The following CCDC18 variants were observed in gnomAD, a reference collection of about 807,000 sequenced individuals.
The protein encoded by CCDC18 is coiled-coil domain-containing protein 18.
Under a neutral mutation model 196.0 loss-of-function variants are expected in CCDC18, and 157 were observed. The observed-to-expected ratio is 0.80, with a 90% CI of 0.70 to 0.91. CCDC18 has a LOEUF of 0.91. Ranked by LOEUF, CCDC18 falls within the 40% of genes least tolerant of loss-of-function variation. The pLI is 0.00. For missense variants in CCDC18, 1,465 were observed against 1,611.6 expected, an observed-to-expected ratio of 0.91 and a Z score of 1.56; for synonymous variants, 482 against 529.2, an observed-to-expected ratio of 0.91 and a Z score of 1.22.
Position 93,251,873 on chromosome 1 carries a change from G to A in CCDC18, c.3199-2598G>A, listed in dbSNP as rs1019200808. ...CTTTAAAAAAGCTTTCTACCCCTTT[G>A]TCTTTCTCAGTTCCCTTTTTAACTC... On this transcript the variant is annotated intron_variant, in intron 23 of 28. Transcript: ENST00000690025. Among the ~76,000 whole-genome samples, 9 of 151,612 alleles carry A rather than the reference G, an allele frequency of 5.9e-5. 1 individual carries two copies. Among genetic ancestry groups the A allele is most frequent in the African/African-American group, 2.2e-4 (9 of 41,294 alleles).
At chr1:93,251,050 C>G (rs1662172329) in intron 23 of CCDC18, among the ~76,000 whole-genome samples, 1 of 152,060 alleles carries the variant, frequency 6.6e-6, no homozygotes, top group Non-Finnish European at 1.5e-5. Flanking sequence ...TACTGTCTTT[C>G]ATTGTGGTTA....
chr1:93,209,589 C>T (rs1412762928), intron 9 of CCDC18, among the ~76,000 whole-genome samples: 10 of 152,052 alleles, frequency 6.6e-5, no homozygotes, highest in Non-Finnish European at 1.5e-4. Flanking sequence ...AATAACTTGC[C>T]CAACTGGTAA....
At chr1:93,252,480 A>G (rs565600924) in intron 23 of CCDC18, among the ~76,000 whole-genome samples, 1 of 152,070 alleles carries the variant, frequency 6.6e-6, no homozygotes, top group East Asian at 1.9e-4. Context: ...TTTAAAAATT[A>G]TTTTATTCTC....
intron 4 of CCDC18, chr1:93,190,678 T>C: frequency 4.3e-6 from 1 of 231,674 alleles, no homozygotes; most frequent in Non-Finnish European, 8.3e-6. Context: ...TTCTTTCCCT[T>C]TTTTTTTTTT....
At chr1:93,234,660 T>C (rs1313345998) in intron 18 of CCDC18, among the ~76,000 whole-genome samples, 1 of 132,352 alleles carries the variant, frequency 7.6e-6, no homozygotes, top group East Asian at 1.9e-4. Context: ...ATCTTCAGAT[T>C]TCTCTATTTA....
At chr1:93,191,172 T>C (rs1456034935) in intron 4 of CCDC18, 3 of 450,098 alleles carry the variant, frequency 6.7e-6, no homozygotes, top group African/African-American at 2.0e-5. Context: ...CAAAATGAAA[T>C]TGAGTAGTAA....
chr1:93,189,952 C>A (rs539152797), intron 4 of CCDC18, among the ~76,000 whole-genome samples: 1 of 152,292 alleles, frequency 6.6e-6, no homozygotes, highest in East Asian at 1.9e-4. Context: ...TGAGCTACCG[C>A]GCCTGGCCCT....
chr1:93,258,862 C>G lies in CCDC18; in HGVS notation c.3661C>G (p.Leu1221Val). 2 of 1,596,996 alleles carry G rather than the reference C, an allele frequency of 1.3e-6. No homozygotes were observed. Among genetic ancestry groups the G allele is most frequent in the East Asian group, 4.6e-5 (2 of 43,904 alleles). ...GAAATTGTCAGCAGAAGTAGAATCT[C>G]TCAAAGAAGCTTATCATATGGAGGT... ...IKKLSAEVESLKEAYHMEMIS... is the reference protein window; with the variant it reads ...IKKLSAEVESVKEAYHMEMIS... The change falls in exon 26 of 29, where the codon CTC becomes GTC. Residue 1221 changes from leucine (L) to valine (V), a missense_variant. Transcript: ENST00000690025.
chr1:93,233,263 AC>A (rs952722066), intron 18 of CCDC18, among the ~76,000 whole-genome samples: 2 of 152,172 alleles, frequency 1.3e-5, no homozygotes, highest in Non-Finnish European at 2.9e-5. Context: ...AAGGGAAAAT[AC>A]CCCTGAAAGT....
intron 6 of CCDC18, among the ~76,000 whole-genome samples, chr1:93,194,949 C>T (rs990097998): frequency 6.6e-6 from 1 of 152,174 alleles, no homozygotes; most frequent in African/African-American, 2.4e-5. Context: ...TGGCTCACTG[C>T]ATCCTCCGCC....
At chr1:93,180,693 C>T (rs1030376801), upstream of CCDC18, 2 of 1,344,534 alleles carry the variant, frequency 1.5e-6, no homozygotes, top group East Asian at 4.9e-5. Flanking sequence ...GGGCAGTGAC[C>T]GGGTAGGCGC....
intron 9 of CCDC18, 80 bp downstream of exon 9, chr1:93,207,478 T>TA: frequency 9.9e-7 from 1 of 1,010,566 alleles, no homozygotes. Context: ...TGTGGTTGCT[T>TA]TATTAGCTTC....
At chr1:93,186,047 T>G (rs1390445150) in intron 3 of CCDC18, among the ~76,000 whole-genome samples, 1 of 151,888 alleles carries the variant, frequency 6.6e-6, no homozygotes, top group East Asian at 1.9e-4. Context: ...TTTTATCAGG[T>G]TTATGTCTAG....
chr1:93,179,991 G>T, upstream of CCDC18: 5 of 1,517,212 alleles, frequency 3.3e-6, no homozygotes, highest in South Asian at 3.6e-5. Flanking sequence ...CTAAACGGGT[G>T]AGAGGCGACA....
chr1:93,276,738 A>C (rs1276055534), intron 28 of CCDC18, among the ~76,000 whole-genome samples: 1 of 151,980 alleles, frequency 6.6e-6, no homozygotes, highest in Non-Finnish European at 1.5e-5. Flanking sequence ...TTTTTCCTCT[A>C]TTTTTCTACT....
Position 93,205,545 on chromosome 1 carries a change from A to T in CCDC18, c.831A>T (p.Leu277=), listed in dbSNP as rs1654579368. 4 of 1,590,176 alleles carry T rather than the reference A, an allele frequency of 2.5e-6. No individual in the cohort carries two copies. In the South Asian group the frequency reaches 3.3e-5, roughly 13 times the overall value. ...QAEEEILERN[L]TNCEKENKRL... The stretch of plus-strand genomic sequence containing the variant: ...AAGAAGAAATATTAGAGAGAAATCT[A>T]ACTAACTGTGAAAAAGAAAATAAAA... The change falls in exon 8 of 29, where the codon CTA becomes CTT. Residue 277 remains leucine (L), a synonymous_variant. Transcript: ENST00000690025.
At chr1:93,263,777 T>C (rs1282190903) in intron 26 of CCDC18, among the ~76,000 whole-genome samples, 1 of 152,204 alleles carries the variant, frequency 6.6e-6, no homozygotes, top group East Asian at 1.9e-4. Flanking sequence ...ATCTTTATAG[T>C]AGTACCCCAC....
rs2101398241 is a variant in CCDC18 at position 93,183,514 on chromosome 1, A to G, written c.134+19A>G. 7 of 1,564,518 alleles carry G rather than the reference A, an allele frequency of 4.5e-6. No individual in the cohort carries two copies. The highest frequency in any genetic ancestry group is 2.3e-5 in the East Asian group (1 of 43,720). Reference sequence around the variant, plus strand: ...TATCCAGGTAAGTAAGTAAAATCACATATAGAATTCACTGTGCCTTAAATA... The same window carrying G: ...TATCCAGGTAAGTAAGTAAAATCACGTATAGAATTCACTGTGCCTTAAATA... On this transcript the variant is annotated intron_variant, in intron 2 of 28. Transcript: ENST00000690025.
In CCDC18 at chr1:93,217,852, G is replaced by A. The variant is rs1656762655; in HGVS notation, c.1945G>A (p.Glu649Lys). ...KIHLEQHKEM[E>K]KQIERLEAQL... ...TCACTTGGAACAGCATAAAGAAATG[G>A]AAAAGCAGATTGAAAGAGTAAGTAA... The change falls in exon 14 of 29, where the codon GAA becomes AAA. Residue 649 changes from glutamate to lysine, a missense_variant. By Grantham distance (56) the Glu-to-Lys change is moderately conservative. Transcript: ENST00000690025. 1.2e-6 allele frequency: 2 copies of A among 1,610,528 alleles called. No homozygotes were observed. The highest frequency in any genetic ancestry group is 2.7e-5 in the African/African-American group (2 of 74,582).
Sources: gnomAD v4.1 joint callset for allele counts (sites outside exome capture counted in the v4.1 genomes callset) on GRCh38, gnomAD v4.1.1 for gene constraint, MANE v1.5 for transcripts, NCBI Gene and HGNC (gene_info 2026-07-23, HGNC 2026-07-21) for gene names.